Variants in CCSER1 observed in about 807,000 individuals in gnomAD.
The protein encoded by CCSER1 is coiled-coil serine rich protein 1, also known as serine-rich coiled-coil domain-containing protein 1.
In CCSER1, 41 loss-of-function variants were observed where a neutral mutation model predicts 82.0. The observed-to-expected ratio is 0.50, with a 90% CI of 0.39 to 0.65. CCSER1 has a LOEUF of 0.65. CCSER1 is among the 30% of genes least tolerant of loss of function. CCSER1 has a pLI of 0.00. For missense variants in CCSER1, 1,119 were observed against 1,064.2 expected (o/e 1.05, Z -0.72); for synonymous variants, 414 against 383.9 (o/e 1.08, Z -0.92).
intron 10 of CCSER1, among the ~76,000 whole-genome samples, chr4:91,216,816 G>A (rs1164007806): frequency 6.6e-6 from 1 of 152,020 alleles, no homozygotes; most frequent in Admixed American, 6.6e-5. Context: ...GAGTGAAAGG[G>A]GCAAATAAAA....
At chr4:90,307,728 C>G (rs756509111) in intron 1 of CCSER1, among the ~76,000 whole-genome samples, 1 of 151,754 alleles carries the variant, frequency 6.6e-6, no homozygotes, top group Non-Finnish European at 1.5e-5. Flanking sequence ...CAGGCTATAC[C>G]ATTGTCTTGT....
intron 9 of CCSER1, among the ~76,000 whole-genome samples, chr4:90,982,424 TACTC>T (rs1280374089): frequency 4.0e-5 from 6 of 151,716 alleles, no homozygotes; most frequent in African/African-American, 1.2e-4. Context: ...GGAACACAAA[TACTC>T]AGTCCATAGC....
At chr4:91,094,848 A>T (rs886351775) in intron 10 of CCSER1, among the ~76,000 whole-genome samples, 4 of 152,084 alleles carry the variant, frequency 2.6e-5, no homozygotes, top group Non-Finnish European at 5.9e-5. Flanking sequence ...GTTCCTGGTA[A>T]CTTCAGTTGT....
At chr4:90,383,109 C>T (rs193021561) in intron 3 of CCSER1, among the ~76,000 whole-genome samples, 1 of 151,882 alleles carries the variant, frequency 6.6e-6, no homozygotes, top group African/African-American at 2.4e-5. Flanking sequence ...TAATGTTGAC[C>T]GTAGCCAATG....
intron 7 of CCSER1, among the ~76,000 whole-genome samples, chr4:90,793,450 C>T (rs899362023): frequency 2.0e-5 from 3 of 152,026 alleles, no homozygotes; most frequent in Non-Finnish European, 4.4e-5. Flanking sequence ...TTTTCTTTTC[C>T]TTTTTTGTTG....
chr4:90,742,510 C>T (rs1019651172), intron 7 of CCSER1, among the ~76,000 whole-genome samples: 1 of 152,110 alleles, frequency 6.6e-6, no homozygotes, highest in Non-Finnish European at 1.5e-5. Context: ...GCTCTCATCC[C>T]TTCCAACATG....
intron 10 of CCSER1, among the ~76,000 whole-genome samples, chr4:91,164,718 G>C (rs1296686119): frequency 1.3e-5 from 2 of 152,056 alleles, no homozygotes; most frequent in South Asian, 2.1e-4. Flanking sequence ...CCACTTGATT[G>C]AATTGGCTTT....
chr4:91,252,672 C>T (rs748775752), intron 10 of CCSER1, among the ~76,000 whole-genome samples: 7 of 151,912 alleles, frequency 4.6e-5, no homozygotes, highest in Non-Finnish European at 1.0e-4. Context: ...CCTTGCCAAC[C>T]AAAATGGATG....
At chr4:90,834,865 C>G (rs1761587734) in intron 8 of CCSER1, among the ~76,000 whole-genome samples, 1 of 152,090 alleles carries the variant, frequency 6.6e-6, no homozygotes, top group Non-Finnish European at 1.5e-5. Flanking sequence ...GTTATTGAGC[C>G]TTCCAGAAAT....
chr4:91,010,712 T>C lies in CCSER1; in HGVS notation c.2173-75238T>C, dbSNP rs1195959683. Among the ~76,000 whole-genome samples the C allele has an allele frequency of 2.2e-5, 3 of 135,296 alleles. 1 individual carries two copies. The highest frequency in any genetic ancestry group is 4.7e-4 in the South Asian group (2 of 4,230). 88.8% of individuals were successfully genotyped at this position (135,296 alleles called of 152,430 possible). A position where few individuals can be genotyped will look rare whatever the true frequency, so the allele number is the denominator to read the frequency against. On this transcript the variant is annotated intron_variant, in intron 9 of 10. Coordinates refer to ENST00000509176, the MANE Select transcript of CCSER1 (RefSeq NM_001145065.2). ...AGTCTGCTGTTGAAGCTCTATATTG[T>C]ATTTTTTCATTTCACTTGTTGAATT...
intron 9 of CCSER1, among the ~76,000 whole-genome samples, chr4:91,071,794 G>A (rs1343685751): frequency 1.3e-5 from 2 of 152,004 alleles, no homozygotes; most frequent in Non-Finnish European, 2.9e-5. Flanking sequence ...TTAAGTGCTA[G>A]TCCAGTTCTT....
At chr4:91,178,858 T>C (rs1733693725) in intron 10 of CCSER1, among the ~76,000 whole-genome samples, 1 of 152,190 alleles carries the variant, frequency 6.6e-6, no homozygotes, top group Non-Finnish European at 1.5e-5. Flanking sequence ...GTTAGCTGGA[T>C]ATTTTGCTCA....
intron 3 of CCSER1, among the ~76,000 whole-genome samples, chr4:90,383,331 T>C (rs1447641631): frequency 6.6e-6 from 1 of 152,094 alleles, no homozygotes; most frequent in Non-Finnish European, 1.5e-5. Flanking sequence ...GAATTACAGA[T>C]TATCATGAAT....
At position 91,044,615 on chromosome 4, in the gene CCSER1, C is replaced by G. The variant is rs75441350; in HGVS notation, c.2173-41335C>G. The stretch of plus-strand genomic sequence containing the variant: ...TTCTCATACACATCCATTTCATCCA[C>G]ATCAGTTTCTCATATCCTCCATCTC... On this transcript the variant is annotated intron_variant, in intron 9 of 10. Transcript: ENST00000509176. Among the ~76,000 whole-genome samples the G allele has an allele frequency of 2.1e-3, 327 of 152,274 alleles. 3 individuals are homozygous for G. The East Asian group carries it at 0.049, about 23-fold the overall frequency.
chr4:91,139,696 C>T (rs1372170082), intron 10 of CCSER1, among the ~76,000 whole-genome samples: 2 of 152,076 alleles, frequency 1.3e-5, no homozygotes, highest in Admixed American at 6.6e-5. Flanking sequence ...AAGAGTAGAG[C>T]TGATATGTGA....
At chr4:90,540,156 C>T (rs768863317) in intron 5 of CCSER1, among the ~76,000 whole-genome samples, 3 of 152,006 alleles carry the variant, frequency 2.0e-5, no homozygotes, top group Non-Finnish European at 4.4e-5. Flanking sequence ...ACCCTGTTTA[C>T]AGTTTTTGAA....
chr4:90,625,992 G>A (rs1419333456), intron 5 of CCSER1, among the ~76,000 whole-genome samples: 2 of 152,082 alleles, frequency 1.3e-5, no homozygotes, highest in East Asian at 3.9e-4. Context: ...CCTCATGGGT[G>A]TTTAGATCCA....
At chr4:91,465,818 C>T (rs1386895192) in intron 10 of CCSER1, among the ~76,000 whole-genome samples, 2 of 152,094 alleles carry the variant, frequency 1.3e-5, no homozygotes, top group African/African-American at 4.8e-5. Flanking sequence ...AGCTGAATCC[C>T]TGAATATACC....
chr4:90,509,456 G>A (rs1435616908), intron 5 of CCSER1, among the ~76,000 whole-genome samples: 1 of 152,094 alleles, frequency 6.6e-6, no homozygotes, highest in African/African-American at 2.4e-5. Context: ...GAATAAGACA[G>A]TTATACTGAT....
Sources: gnomAD v4.1 joint callset for allele counts (sites outside exome capture counted in the v4.1 genomes callset) on GRCh38, gnomAD v4.1.1 for gene constraint, MANE v1.5 for transcripts, NCBI Gene and HGNC (gene_info 2026-07-23, HGNC 2026-07-21) for gene names.